AZGP1: variants seen among roughly 807,000 people sequenced by gnomAD.
The protein encoded by AZGP1 is zinc-alpha-2-glycoprotein.
A neutral mutation model predicts 31.5 loss-of-function variants in AZGP1; 28 were observed. The observed-to-expected ratio is 0.89, with a 90% CI of 0.66 to 1.22. AZGP1 has a LOEUF of 1.22. Among genes scored for constraint, AZGP1 ranks in the 50% most tolerant of loss-of-function variants. AZGP1 has a pLI of 0.00. For synonymous variants in AZGP1, 135 were observed against 145.4 expected (o/e 0.93, Z 0.51); for missense variants, 361 against 371.8 (o/e 0.97, Z 0.24).
Position 99,968,139 on chromosome 7 carries a change from A to T in AZGP1, c.613+16T>A, listed in dbSNP as rs1157943325. ...TATTCTGGGCTCAGTACTGGGGAGC[A>T]GGAAGCAGTGAGTACCTTGCCGGTC... On this transcript the variant is annotated intron_variant, in intron 3 of 3. Transcript: ENST00000292401. The T allele has an allele frequency of 6.2e-7, 1 of 1,613,628 alleles. No homozygotes were observed. Among genetic ancestry groups the T allele is most frequent in the Non-Finnish European group, 8.5e-7 (1 of 1,179,922 alleles).
At chr7:99,968,042 T>A in intron 3 of AZGP1, 113 bp downstream of exon 3, 2 of 1,365,980 alleles carry the variant, frequency 1.5e-6, no homozygotes, top group Non-Finnish European at 2.1e-6. Flanking sequence ...AAGCTGGGGG[T>A]CTGAGGGACA....
chr7:99,967,296 G>C lies in AZGP1; in HGVS notation c.614-10C>G. On this transcript the variant is annotated splice_polypyrimidine_tract_variant and intron_variant, in intron 3 of 3. Coordinates refer to ENST00000292401, the MANE Select transcript of AZGP1 (RefSeq NM_001185.4). ...ACCACAGAGGGAGGATCTGTGGAGG[G>C]ATAGAGTGTGACACTGCAGGCTTGA... The C allele has an allele frequency of 6.2e-7, 1 of 1,609,480 alleles. No homozygotes were observed. The highest frequency in any genetic ancestry group is 8.5e-7 in the Non-Finnish European group (1 of 1,177,936).
At chr7:99,969,580 C>CA (rs34935399) in intron 2 of AZGP1, among the ~76,000 whole-genome samples, 145 of 135,710 alleles carry the variant, frequency 1.1e-3, no homozygotes, top group East Asian at 1.9e-3. Context: ...AACTCCATCT[C>CA]AAAAAAAAAA....
intron 3 of AZGP1, 117 bp downstream of exon 3, chr7:99,968,038 G>T: frequency 7.6e-7 from 1 of 1,321,718 alleles, no homozygotes; most frequent in Non-Finnish European, 1.1e-6. Flanking sequence ...ATGAAAGCTG[G>T]GGGTCTGAGG....
At position 99,971,961 on chromosome 7, in the gene AZGP1, A is replaced by G; in HGVS notation, c.122T>C (p.Val41Ala). The G allele has an allele frequency of 6.2e-7, 1 of 1,614,108 alleles. No individual in the cohort carries two copies. Among genetic ancestry groups the G allele is most frequent in the Non-Finnish European group, 8.5e-7 (1 of 1,179,978 alleles). The change falls in exon 2 of 4, where the codon GTT becomes GCT. Residue 41 changes from valine to alanine, a missense_variant. Coordinates refer to ENST00000292401, the MANE Select transcript of AZGP1 (RefSeq NM_001185.4). The part of the protein sequence containing the change: ...TYIYTGLSKH[V>A]EDVPAFQALG... Reference sequence around the variant, plus strand: ...GGCCTGAAACGCGGGGACGTCTTCAACATGCTTGGACAGCCCAGTGTAGAT... The same window carrying G: ...GGCCTGAAACGCGGGGACGTCTTCAGCATGCTTGGACAGCCCAGTGTAGAT...
rs182670735 is a variant in AZGP1 at position 99,975,969 on chromosome 7, C to T, written c.52G>A (p.Ala18Thr). Residue 18 changes from alanine to threonine, a missense_variant, in exon 1 of 4, where the codon GCT becomes ACT. By Grantham distance (58) the Ala-to-Thr change is moderately conservative. Coordinates refer to ENST00000292401, the MANE Select transcript of AZGP1 (RefSeq NM_001185.4). ...LLSLLLLLGP[A>T]VPQENQDGRY... The stretch of plus-strand genomic sequence containing the variant: ...CCATCTTGGTTCTCCTGGGGGACAG[C>T]AGGACCCAGAAGCAGCAGCAGAGAC... 4.0e-5 allele frequency: 64 copies of T among 1,614,108 alleles called. No homozygotes were observed. Among genetic ancestry groups the T allele is most frequent in the Admixed American group, 6.7e-5 (4 of 60,008 alleles).
chr7:99,969,648 T>A (rs149513858), intron 2 of AZGP1, among the ~76,000 whole-genome samples: 1 of 152,032 alleles, frequency 6.6e-6, no homozygotes, highest in African/African-American at 2.4e-5. Flanking sequence ...CTAAGGACAA[T>A]TATTTGTTTG....
At chr7:99,969,127 G>T (rs1789540788) in intron 2 of AZGP1, among the ~76,000 whole-genome samples, 1 of 151,420 alleles carries the variant, frequency 6.6e-6, no homozygotes. Flanking sequence ...TATAAAATTA[G>T]GCTGGACGCA....
intron 1 of AZGP1, among the ~76,000 whole-genome samples, chr7:99,974,045 A>G (rs1789620041): frequency 6.6e-6 from 1 of 150,408 alleles, no homozygotes; most frequent in African/African-American, 2.4e-5. Flanking sequence ...GGCTGAAGTG[A>G]GTGGATCACT....
At chr7:99,967,495 C>T in intron 3 of AZGP1, 1 of 607,354 alleles carries the variant, frequency 1.6e-6, no homozygotes, top group South Asian at 2.0e-5. Context: ...TGTATTGACT[C>T]TGACGGCAAT....
chr7:99,971,681 A>T (rs1584300810), intron 2 of AZGP1, 65 bp downstream of exon 2: 2 of 1,542,746 alleles, frequency 1.3e-6, no homozygotes, highest in Admixed American at 1.8e-5. Flanking sequence ...ATCCCTTGCC[A>T]CTCACACTGG....
At chr7:99,975,889 G>C in intron 1 of AZGP1, 56 bp downstream of exon 1, 5 of 1,591,304 alleles carry the variant, frequency 3.1e-6, no homozygotes, top group Non-Finnish European at 3.4e-6. Context: ...CACATGTCCT[G>C]TTCCTCACCT....
chr7:99,966,938 C>T lies in AZGP1; in HGVS notation c.*65G>A, dbSNP rs576990221. 4 of 1,563,420 alleles carry T rather than the reference C, an allele frequency of 2.6e-6. No individual in the cohort carries two copies. The East Asian group carries it at 9.0e-5, about 35-fold the overall frequency. The stretch of plus-strand genomic sequence containing the variant: ...TGACTGTGATTTCTGTGGTTCAGCT[C>T]CCACATCAGGCAGGAAGGGCAGCTA... On this transcript the variant is annotated 3_prime_UTR_variant, in exon 4 of 4. Coordinates refer to ENST00000292401, the MANE Select transcript of AZGP1 (RefSeq NM_001185.4).
Position 99,968,412 on chromosome 7 carries a change from C to A in AZGP1, c.356G>T (p.Gly119Val). The A allele has an allele frequency of 6.2e-7, 1 of 1,613,966 alleles. No individual in the cohort carries two copies. Among genetic ancestry groups the A allele is most frequent in the South Asian group, 1.1e-5 (1 of 91,068 alleles). ...NDSNGSHVLQ[G>V]RFGCEIENNR... ...ATTCTCGATCTCACAACCAAACCTT[C>A]CCTGCAATACGTGAGACCCTGAAAA... The change falls in exon 3 of 4, where the codon GGA becomes GTA. Residue 119 changes from glycine (G) to valine (V), a missense_variant. Physicochemically the swap from Gly to Val is moderately radical, Grantham distance 109. Coordinates refer to ENST00000292401, the MANE Select transcript of AZGP1 (RefSeq NM_001185.4).
At chr7:99,975,390 C>T (rs910983677) in intron 1 of AZGP1, among the ~76,000 whole-genome samples, 1 of 152,186 alleles carries the variant, frequency 6.6e-6, no homozygotes, top group Admixed American at 6.5e-5. Flanking sequence ...GCCTCCTTCC[C>T]TTATCCTAGG....
At chr7:99,974,556 C>T (rs1330899238) in intron 1 of AZGP1, among the ~76,000 whole-genome samples, 1 of 152,074 alleles carries the variant, frequency 6.6e-6, no homozygotes, top group East Asian at 1.9e-4. Context: ...CACTGCACTC[C>T]TGCCTGGGTG....
At chr7:99,972,348 A>C (rs1789593067) in intron 1 of AZGP1, among the ~76,000 whole-genome samples, 1 of 152,044 alleles carries the variant, frequency 6.6e-6, no homozygotes, top group South Asian at 2.1e-4. Context: ...CTTGTCCAAG[A>C]CCCTACCAGC....
chr7:99,970,466 C>T (rs554904949), intron 2 of AZGP1, among the ~76,000 whole-genome samples: 10 of 152,246 alleles, frequency 6.6e-5, no homozygotes, highest in African/African-American at 2.2e-4. Context: ...TGGTCTCGAA[C>T]TCCTGACCTT....
chr7:99,966,813 T>C lies in AZGP1; in HGVS notation c.*190A>G, dbSNP rs1789486356. On this transcript the variant is annotated 3_prime_UTR_variant, in exon 4 of 4. Coordinates refer to ENST00000292401, the MANE Select transcript of AZGP1 (RefSeq NM_001185.4). ...GGTGGGCTCAAGGTGAGATGATTTT[T>C]TGGGTCCAAGTCTACTCAAGACAGG... The C allele has an allele frequency of 6.3e-6, 5 of 798,890 alleles. No individual in the cohort carries two copies. The highest frequency in any genetic ancestry group is 3.9e-6 in the Non-Finnish European group (2 of 513,662). The allele number at this position is 798,890 out of a possible 1,614,324, so 49.5% of individuals were successfully genotyped here.
Sources: allele counts gnomAD v4.1 joint callset (sites outside exome capture counted in the v4.1 genomes callset), GRCh38; gene constraint gnomAD v4.1.1; transcripts MANE v1.5; gene names NCBI Gene and HGNC (gene_info 2026-07-23, HGNC 2026-07-21).